Variants in DPYD observed in about 807,000 individuals in gnomAD.
DPYD encodes the protein dihydropyrimidine dehydrogenase [NADP(+)].
A neutral mutation model predicts 116.2 loss-of-function variants in DPYD; 109 were observed. That is an observed-to-expected ratio of 0.94 (90% confidence interval 0.80 to 1.10). DPYD has a LOEUF of 1.10. DPYD is among the 50% of genes least tolerant of loss of function. The probability of loss-of-function intolerance (pLI) is 0.00; values close to 1 mark genes in which losing one functional copy is unlikely to be tolerated. For missense variants in DPYD, 1,302 were observed against 1,254.5 expected (o/e 1.04, Z -0.57); for synonymous variants, 440 against 432.0 (o/e 1.02, Z -0.23).
At chr1:97,173,160 G>A (rs910585582) in intron 20 of DPYD, among the ~76,000 whole-genome samples, 4 of 150,432 alleles carry the variant, frequency 2.7e-5, no homozygotes, top group East Asian at 4.0e-4. Flanking sequence ...ACATATGTAC[G>A]TATATATGTA....
chr1:97,213,036 A>AC (rs1467880196), intron 19 of DPYD, among the ~76,000 whole-genome samples: 1 of 152,154 alleles, frequency 6.6e-6, no homozygotes, highest in African/African-American at 2.4e-5. Context: ...CCAGGTTAAT[A>AC]GATGGCCATC....
Position 97,657,691 on chromosome 1 carries a change from C to T in DPYD, c.850+21404G>A, listed in dbSNP as rs79321297. ...GATTCCCTAACAAAGGAACCACGGG[C>T]GTCTAGAAATAACAGTTTATGCTGC... is the stretch of plus-strand genomic sequence containing the variant. On this transcript the variant is annotated intron_variant, in intron 8 of 22. Coordinates refer to ENST00000370192, the MANE Select transcript of DPYD (RefSeq NM_000110.4). Among the ~76,000 whole-genome samples, 637 of 152,164 alleles carry T rather than the reference C, an allele frequency of 4.2e-3. 18 individuals carry two copies. In the East Asian group the frequency reaches 0.066, roughly 16 times the overall value.
intron 18 of DPYD, among the ~76,000 whole-genome samples, chr1:97,304,565 T>C (rs1412865474): frequency 6.6e-6 from 1 of 151,920 alleles, no homozygotes; most frequent in Non-Finnish European, 1.5e-5. Flanking sequence ...CACTGTTATG[T>C]TATGTATATT....
chr1:97,857,619 C>T (rs1670910161), intron 2 of DPYD, among the ~76,000 whole-genome samples: 1 of 152,186 alleles, frequency 6.6e-6, no homozygotes, highest in African/African-American at 2.4e-5. Context: ...GGAAGCTCCA[C>T]ACCCCTTCTT....
chr1:97,675,533 A>G (rs1660096475), intron 8 of DPYD, among the ~76,000 whole-genome samples: 1 of 152,174 alleles, frequency 6.6e-6, no homozygotes, highest in African/African-American at 2.4e-5. Flanking sequence ...TAAAAATGAG[A>G]GACTTTTCAT....
At chr1:97,733,353 T>C (rs1663741848) in intron 4 of DPYD, among the ~76,000 whole-genome samples, 2 of 152,036 alleles carry the variant, frequency 1.3e-5, no homozygotes, top group African/African-American at 4.8e-5. Context: ...ATAAGGAAAA[T>C]GTTAGAAACC....
At chr1:97,677,312 G>C (rs1660199562) in intron 8 of DPYD, among the ~76,000 whole-genome samples, 1 of 152,106 alleles carries the variant, frequency 6.6e-6, no homozygotes, top group Non-Finnish European at 1.5e-5. Flanking sequence ...AATTGTATTA[G>C]TATATACTCA....
At chr1:97,274,366 A>G (rs1333471948) in intron 18 of DPYD, among the ~76,000 whole-genome samples, 1 of 152,088 alleles carries the variant, frequency 6.6e-6, no homozygotes, top group Admixed American at 6.6e-5. Flanking sequence ...GCTTGTTTAA[A>G]AGAGCCTGGC....
chr1:97,184,972 G>C (rs1488129661), intron 20 of DPYD, among the ~76,000 whole-genome samples: 5 of 152,078 alleles, frequency 3.3e-5, no homozygotes, highest in African/African-American at 1.2e-4. Flanking sequence ...GATCTTAAGA[G>C]AAAATAATTT....
intron 15 of DPYD, among the ~76,000 whole-genome samples, chr1:97,374,651 G>A (rs562889600): frequency 1.4e-5 from 2 of 145,716 alleles, no homozygotes; most frequent in East Asian, 2.0e-4. Flanking sequence ...CCCAGGAGGC[G>A]CAGCTTGCAG....
chr1:97,908,037 T>A (rs539275161), intron 1 of DPYD, among the ~76,000 whole-genome samples: 7 of 152,112 alleles, frequency 4.6e-5, no homozygotes, highest in South Asian at 2.1e-4. Context: ...TAAGGCTATC[T>A]TTTCATTTTT....
chr1:97,778,853 ATTT>A (rs1666573193), intron 3 of DPYD, among the ~76,000 whole-genome samples: 1 of 152,154 alleles, frequency 6.6e-6, no homozygotes, highest in Non-Finnish European at 1.5e-5. Context: ...TCTACAGGGA[ATTT>A]TCATACAGAG....
chr1:97,763,596 T>A (rs1191388128), intron 3 of DPYD, among the ~76,000 whole-genome samples: 1 of 152,020 alleles, frequency 6.6e-6, no homozygotes, highest in Non-Finnish European at 1.5e-5. Context: ...TGTTTCCTAG[T>A]CTAGTTTGTC....
intron 14 of DPYD, among the ~76,000 whole-genome samples, chr1:97,405,340 A>G (rs1673597642): frequency 6.6e-6 from 1 of 152,012 alleles, no homozygotes. Context: ...CTTCTCTTGA[A>G]AAACTTCCAT....
intron 14 of DPYD, among the ~76,000 whole-genome samples, chr1:97,415,476 C>G: frequency 6.6e-6 from 1 of 152,154 alleles, no homozygotes; most frequent in South Asian, 2.1e-4. Context: ...TACAGGCCAC[C>G]GTGCCCAGCT....
At chr1:97,388,954 T>C (rs1332505483) in intron 14 of DPYD, among the ~76,000 whole-genome samples, 1 of 152,000 alleles carries the variant, frequency 6.6e-6, no homozygotes, top group African/African-American at 2.4e-5. Context: ...TCTAACAGGA[T>C]AGAAGACGAG....
intron 16 of DPYD, among the ~76,000 whole-genome samples, chr1:97,340,109 A>G (rs1218617681): frequency 6.6e-6 from 1 of 152,146 alleles, no homozygotes; most frequent in African/African-American, 2.4e-5. Context: ...AAAACACCCA[A>G]CAAAGTAAAT....
chr1:97,892,122 C>A (rs1435891445), intron 1 of DPYD, among the ~76,000 whole-genome samples: 5 of 151,720 alleles, frequency 3.3e-5, no homozygotes, highest in Non-Finnish European at 5.9e-5. Flanking sequence ...TTTCCCATTT[C>A]TTTCATAATT....
intron 1 of DPYD, among the ~76,000 whole-genome samples, chr1:97,894,335 C>T (rs948191474): frequency 1.3e-5 from 2 of 151,754 alleles, no homozygotes. Flanking sequence ...TCTTCAAATA[C>T]CACACATTGG....
Sources: allele counts gnomAD v4.1 joint callset (sites outside exome capture counted in the v4.1 genomes callset), GRCh38; gene constraint gnomAD v4.1.1; transcripts MANE v1.5; gene names NCBI Gene and HGNC (gene_info 2026-07-23, HGNC 2026-07-21).